CDH13: variants seen among roughly 807,000 people sequenced by gnomAD.
CDH13 encodes cadherin 13.
Under a neutral mutation model 63.8 loss-of-function variants are expected in CDH13, and 24 were observed. The ratio of observed to expected loss-of-function variants is 0.38; its 90% confidence interval spans 0.27 to 0.53. The LOEUF (loss-of-function observed/expected upper bound fraction) is 0.53, where lower values mean the gene tolerates loss of function less well. CDH13 is among the 20% of genes least tolerant of loss of function. The pLI is 0.85. For synonymous variants in CDH13, 503 were observed against 355.3 expected (o/e 1.42, Z -4.67); for missense variants, 1,049 against 903.1 (o/e 1.16, Z -2.07).
At chr16:83,457,375 G>C (rs993786454) in intron 6 of CDH13, among the ~76,000 whole-genome samples, 3 of 152,080 alleles carry the variant, frequency 2.0e-5, no homozygotes, top group East Asian at 3.9e-4. Context: ...GGCACTGAAG[G>C]GCTTTGAAGT....
intron 1 of CDH13, among the ~76,000 whole-genome samples, chr16:82,799,196 TTAGA>T (rs2036733173): frequency 1.3e-5 from 2 of 152,220 alleles, no homozygotes; most frequent in Non-Finnish European, 1.5e-5. Flanking sequence ...GGGGGTGACG[TTAGA>T]TAGTGATCAA....
At chr16:82,729,403 G>T (rs780291146) in intron 1 of CDH13, among the ~76,000 whole-genome samples, 5 of 152,112 alleles carry the variant, frequency 3.3e-5, no homozygotes, top group Non-Finnish European at 5.9e-5. Flanking sequence ...ACATTAACAG[G>T]CATGAAAAAA....
intron 1 of CDH13, among the ~76,000 whole-genome samples, chr16:82,739,843 T>C (rs1022511217): frequency 1.3e-5 from 2 of 152,214 alleles, no homozygotes; most frequent in Non-Finnish European, 2.9e-5. Context: ...TGCAATATTG[T>C]GTAATCTCTT....
intron 4 of CDH13, among the ~76,000 whole-genome samples, chr16:83,156,013 C>G (rs1391989265): frequency 6.6e-6 from 1 of 152,174 alleles, no homozygotes; most frequent in Non-Finnish European, 1.5e-5. Context: ...AAGGTTGAGA[C>G]TGGGGGCTAC....
intron 7 of CDH13, among the ~76,000 whole-genome samples, chr16:83,580,951 G>A (rs527673787): frequency 3.3e-5 from 5 of 152,192 alleles, no homozygotes; most frequent in Non-Finnish European, 5.9e-5. Flanking sequence ...TTACATAACA[G>A]ATCTCTATTT....
At chr16:83,672,767 A>G (rs1415069478) in intron 9 of CDH13, among the ~76,000 whole-genome samples, 1 of 152,148 alleles carries the variant, frequency 6.6e-6, no homozygotes, top group Non-Finnish European at 1.5e-5. Context: ...AGCTGTAGCA[A>G]ACACATTTTG....
At chr16:82,758,653 G>A (rs976105438) in intron 1 of CDH13, among the ~76,000 whole-genome samples, 1 of 152,180 alleles carries the variant, frequency 6.6e-6, no homozygotes, top group African/African-American at 2.4e-5. Context: ...CTATGCTTAA[G>A]GCATTACAGA....
At chr16:83,784,231 G>GT (rs1468508198) in intron 13 of CDH13, among the ~76,000 whole-genome samples, 2 of 152,168 alleles carry the variant, frequency 1.3e-5, no homozygotes, top group Non-Finnish European at 2.9e-5. Context: ...AAAACAGAAG[G>GT]TTTTTTATCC....
chr16:83,751,111 C>A lies in CDH13; in HGVS notation c.1681+2861C>A, dbSNP rs185667393. The stretch of plus-strand genomic sequence containing the variant: ...ATAAGGGCAGAGAAGCGTGTGGATA[C>A]CGGACTGTTCTAAGGTTGGAACTGG... On this transcript the variant is annotated intron_variant, in intron 11 of 13. Coordinates refer to ENST00000567109, the MANE Select transcript of CDH13 (RefSeq NM_001257.5). Among the ~76,000 whole-genome samples, 209 of 152,154 alleles carry A rather than the reference C, an allele frequency of 1.4e-3. 1 individual carries two copies. The highest frequency in any genetic ancestry group is 0.011 in the Admixed American group (167 of 15,282).
At chr16:82,877,200 A>G (rs1000698358) in intron 2 of CDH13, among the ~76,000 whole-genome samples, 1 of 152,222 alleles carries the variant, frequency 6.6e-6, no homozygotes, top group Non-Finnish European at 1.5e-5. Flanking sequence ...AATTCATGAC[A>G]TCTTGATTTA....
intron 5 of CDH13, among the ~76,000 whole-genome samples, chr16:83,310,011 T>A (rs1298011415): frequency 6.6e-6 from 1 of 152,140 alleles, no homozygotes; most frequent in Non-Finnish European, 1.5e-5. Flanking sequence ...TTCCGCACAA[T>A]ATCAATGGTT....
chr16:82,710,330 G>A (rs544434320), intron 1 of CDH13, among the ~76,000 whole-genome samples: 1 of 144,518 alleles, frequency 6.9e-6, no homozygotes, highest in Non-Finnish European at 1.5e-5. Context: ...TCAGGAGATC[G>A]AGACCATCGT....
intron 7 of CDH13, among the ~76,000 whole-genome samples, chr16:83,530,560 G>A (rs1038213995): frequency 2.0e-5 from 3 of 152,204 alleles, no homozygotes; most frequent in Non-Finnish European, 2.9e-5. Context: ...GTCTCTGTGA[G>A]TCTACTCCTT....
At chr16:83,606,879 C>T (rs757670195) in intron 8 of CDH13, among the ~76,000 whole-genome samples, 1 of 152,024 alleles carries the variant, frequency 6.6e-6, no homozygotes, top group Non-Finnish European at 1.5e-5. Context: ...GGTATAACAG[C>T]CAGTAACAGG....
At chr16:83,722,718 G>C (rs1376423510) in intron 10 of CDH13, among the ~76,000 whole-genome samples, 2 of 152,228 alleles carry the variant, frequency 1.3e-5, no homozygotes, top group Non-Finnish European at 2.9e-5. Flanking sequence ...TTGTCCAGCA[G>C]AGTCACCACG....
At chr16:83,129,755 G>A (rs1001813412) in intron 4 of CDH13, among the ~76,000 whole-genome samples, 1 of 152,216 alleles carries the variant, frequency 6.6e-6, no homozygotes, top group Non-Finnish European at 1.5e-5. Context: ...AGACAAAAAG[G>A]ATTCTGTACA....
intron 6 of CDH13, among the ~76,000 whole-genome samples, chr16:83,374,154 A>G (rs1342708649): frequency 6.6e-6 from 1 of 152,208 alleles, no homozygotes; most frequent in Admixed American, 6.5e-5. Context: ...CTGGATCCAC[A>G]TAACCTGATG....
At position 83,614,308 on chromosome 16, in the gene CDH13, G is replaced by A. The variant is rs142564636; in HGVS notation, c.1101+11714G>A. Among the ~76,000 whole-genome samples, 9 of 152,216 alleles carry A rather than the reference G, an allele frequency of 5.9e-5. No individual in the cohort carries two copies. The East Asian group carries it at 9.6e-4, about 16-fold the overall frequency. ...TACTTCCCAGTGTTCCCTTCTCCTC[G>A]GATGCAGCTTTCCTGGGGTCCTAAC... On this transcript the variant is annotated intron_variant, in intron 8 of 13. Transcript: ENST00000567109.
At chr16:83,343,126 G>A (rs999088955) in intron 5 of CDH13, among the ~76,000 whole-genome samples, 2 of 152,010 alleles carry the variant, frequency 1.3e-5, no homozygotes, top group Non-Finnish European at 2.9e-5. Flanking sequence ...AATCAAGTAT[G>A]TATGTCTGTG....
Sources: allele counts gnomAD v4.1 joint callset (sites outside exome capture counted in the v4.1 genomes callset), GRCh38; gene constraint gnomAD v4.1.1; transcripts MANE v1.5; gene names NCBI Gene and HGNC (gene_info 2026-07-23, HGNC 2026-07-21).